Variants in EFHD1 observed in about 807,000 individuals in gnomAD.
EFHD1 encodes the protein EF-hand domain family member D1.
A neutral mutation model predicts 17.2 loss-of-function variants in EFHD1; 10 were observed. The observed-to-expected ratio is 0.58, with a 90% CI of 0.36 to 0.99. The LOEUF is 0.99. EFHD1 is among the 50% of genes least tolerant of loss of function. The pLI, the probability that EFHD1 is intolerant of heterozygous loss-of-function variation, is 0.01. For missense variants in EFHD1, 310 were observed against 327.5 expected (o/e 0.95, Z 0.41); for synonymous variants, 153 against 142.0 (o/e 1.08, Z -0.55).
intron 3 of EFHD1, among the ~76,000 whole-genome samples, chr2:232,679,682 T>G (rs1394960841): frequency 6.8e-6 from 1 of 147,796 alleles, no homozygotes; most frequent in Non-Finnish European, 1.5e-5. Flanking sequence ...CCACTGCACT[T>G]CAACCTCAAC....
intron 2 of EFHD1, among the ~76,000 whole-genome samples, chr2:232,663,362 A>G (rs538641375): frequency 6.6e-6 from 1 of 151,824 alleles, no homozygotes; most frequent in African/African-American, 2.4e-5. Context: ...GACATGTGAT[A>G]TATTTTATTT....
intron 1 of EFHD1, among the ~76,000 whole-genome samples, chr2:232,656,347 C>G (rs539280588): frequency 1.3e-5 from 2 of 152,138 alleles, no homozygotes; most frequent in East Asian, 1.9e-4. Flanking sequence ...GGTGTGGTCA[C>G]AGTTGCAAGT....
Position 232,633,844 on chromosome 2 carries a change from C to T in EFHD1, c.140C>T (p.Pro47Leu). The part of the protein sequence containing the change: ...KPEPEPPARA[P>L]TASADAELSA... Reference sequence around the variant, plus strand: ...GAGCCCGAGCCTCCCGCCCGTGCGCCCACGGCCAGCGCCGACGCGGAGCTG... The same window carrying T: ...GAGCCCGAGCCTCCCGCCCGTGCGCTCACGGCCAGCGCCGACGCGGAGCTG... Residue 47 changes from proline to leucine, a missense_variant, in exon 1 of 4, where the codon CCC (proline) becomes CTC (leucine). Pro to Leu is a moderately conservative substitution (Grantham distance 98). Coordinates refer to ENST00000264059, the MANE Select transcript of EFHD1 (RefSeq NM_025202.4). 2 of 1,494,052 alleles carry T rather than the reference C, an allele frequency of 1.3e-6. No individual in the cohort carries two copies. The highest frequency in any genetic ancestry group is 1.3e-5 in the South Asian group (1 of 79,722). 92.5% of individuals were successfully genotyped at this position (1,494,052 alleles called of 1,614,324 possible).
At chr2:232,675,266 A>T (rs1164133103) in intron 3 of EFHD1, among the ~76,000 whole-genome samples, 2 of 143,470 alleles carry the variant, frequency 1.4e-5, no homozygotes, top group Admixed American at 7.0e-5. Flanking sequence ...AAAAGAAAAG[A>T]AAAGAAAGAA....
intron 1 of EFHD1, among the ~76,000 whole-genome samples, chr2:232,610,269 C>T (rs928900950): frequency 6.6e-6 from 1 of 152,216 alleles, no homozygotes; most frequent in African/African-American, 2.4e-5. Context: ...GAGTGCCCCT[C>T]TGGGGACGGA....
At chr2:232,668,526 GAAGGCCA>G (rs1695007520) in intron 2 of EFHD1, among the ~76,000 whole-genome samples, 1 of 152,190 alleles carries the variant, frequency 6.6e-6, no homozygotes, top group African/African-American at 2.4e-5. Context: ...CTGGATTTGA[GAAGGCCA>G]AGCCTCGGGG....
chr2:232,658,006 T>C (rs1220866493), intron 1 of EFHD1, among the ~76,000 whole-genome samples: 5 of 146,626 alleles, frequency 3.4e-5, no homozygotes, highest in African/African-American at 1.3e-4. Flanking sequence ...GTTCAACAGA[T>C]TCTTCTGCCT....
chr2:232,664,288 A>G (rs1451054354), intron 2 of EFHD1, among the ~76,000 whole-genome samples: 3 of 150,814 alleles, frequency 2.0e-5, no homozygotes, highest in African/African-American at 7.3e-5. Flanking sequence ...ACAGAAATGT[A>G]CCACCATGCC....
At position 232,616,305 on chromosome 2, in the gene EFHD1, AT is replaced by A. The variant is rs202133515; in HGVS notation, c.14+10143del. Among the ~76,000 whole-genome samples, 77 of 147,718 alleles carry A rather than the reference AT, an allele frequency of 5.2e-4. No homozygotes were observed. The East Asian group carries it at 5.6e-3, about 11-fold the overall frequency. On this transcript the variant is annotated intron_variant, in intron 1 of 3. Transcript: ENST00000409613. ...AATACTGCACGATACCACTTTATTTATTTTTTTTTTTGAGACAGAGTCTCAC... is the reference window on the plus strand; with the variant it reads ...AATACTGCACGATACCACTTTATTTATTTTTTTTTTGAGACAGAGTCTCAC...
Position 232,633,799 on chromosome 2 carries a change from C to A in EFHD1, c.95C>A (p.Pro32Gln). The change falls in exon 1 of 4, where the codon CCA becomes CAA. Residue 32 changes from proline to glutamine, a missense_variant. Coordinates refer to ENST00000264059, the MANE Select transcript of EFHD1 (RefSeq NM_025202.4). ...CCCCAGCTGGCTCCCCTCGGCGCCC[C>A]AGCCCCGGAGCCCAAGCCCGAGCCC... is the stretch of plus-strand genomic sequence containing the variant. ...SGPQLAPLGA[P>Q]APEPKPEPEP... 6.9e-7 allele frequency: 1 copy of A among 1,458,784 alleles called. No individual in the cohort carries two copies. The allele number at this position is 1,458,784 out of a possible 1,614,324, so 90.4% of individuals were successfully genotyped here.
upstream of EFHD1, among the ~76,000 whole-genome samples, chr2:232,630,978 C>T (rs933913163): frequency 6.6e-6 from 1 of 152,080 alleles, no homozygotes; most frequent in African/African-American, 2.4e-5. Context: ...GTAATCCTAG[C>T]ACTTTGGGAA....
chr2:232,635,800 C>G (rs1694308858), intron 1 of EFHD1, among the ~76,000 whole-genome samples: 1 of 150,982 alleles, frequency 6.6e-6, no homozygotes, highest in African/African-American at 2.5e-5. Flanking sequence ...GCCAGGGTGA[C>G]AGAGGGAGAT....
At chr2:232,646,382 AG>A (rs1157466396) in intron 1 of EFHD1, among the ~76,000 whole-genome samples, 3 of 141,566 alleles carry the variant, frequency 2.1e-5, no homozygotes, top group Non-Finnish European at 4.6e-5. Context: ...GATTACACTT[AG>A]GTCTGTCCGT....
chr2:232,609,166 T>C lies in EFHD1; in HGVS notation c.14+2993T>C, dbSNP rs1693770289. ...CCTCTGCCTCCTGGGTTCAGGTGAT[T>C]CTCCTGTCTCAGCCTCCCGAGTTAT... On this transcript the variant is annotated intron_variant, in intron 1 of 3. Coordinates refer to the EFHD1 transcript ENST00000409613. Among the ~76,000 whole-genome samples the C allele has an allele frequency of 2.7e-5, 4 of 150,040 alleles. No homozygotes were observed. In the Admixed American group the frequency reaches 2.7e-4, roughly 10 times the overall value.
At chr2:232,651,196 C>T (rs1694647493) in intron 1 of EFHD1, among the ~76,000 whole-genome samples, 1 of 152,164 alleles carries the variant, frequency 6.6e-6, no homozygotes, top group African/African-American at 2.4e-5. Flanking sequence ...CCTCCCCAGG[C>T]CTCCCACTTT....
At chr2:232,678,506 C>T (rs1343277790) in intron 3 of EFHD1, among the ~76,000 whole-genome samples, 2 of 152,024 alleles carry the variant, frequency 1.3e-5, no homozygotes, top group Non-Finnish European at 2.9e-5. Flanking sequence ...GAATATTGGC[C>T]GGGCGCGGTG....
At chr2:232,632,200 A>G (rs528619198), upstream of EFHD1, among the ~76,000 whole-genome samples, 1 of 152,342 alleles carries the variant, frequency 6.6e-6, no homozygotes, top group Non-Finnish European at 1.5e-5. Flanking sequence ...TTGTATATGT[A>G]AAACCCGTAT....
intron 1 of EFHD1, among the ~76,000 whole-genome samples, chr2:232,618,722 CAA>C (rs113391241): frequency 2.5e-4 from 34 of 134,202 alleles, no homozygotes; most frequent in African/African-American, 2.2e-4. Flanking sequence ...GACTCTGTCT[CAA>C]AAAAAAAAAA....
intron 2 of EFHD1, among the ~76,000 whole-genome samples, chr2:232,671,156 C>T (rs891685130): frequency 2.0e-5 from 3 of 152,028 alleles, no homozygotes; most frequent in African/African-American, 4.8e-5. Flanking sequence ...CCATCAAGGC[C>T]AGGCACAGTG....
Sources: gnomAD v4.1 joint callset for allele counts (sites outside exome capture counted in the v4.1 genomes callset) on GRCh38, gnomAD v4.1.1 for gene constraint, MANE v1.5 for transcripts, NCBI Gene and HGNC (gene_info 2026-07-23, HGNC 2026-07-21) for gene names.